Variants in SORCS3 observed in about 807,000 individuals in gnomAD.
SORCS3 encodes the protein VPS10 domain-containing receptor SorCS3.
A neutral mutation model predicts 146.3 loss-of-function variants in SORCS3; 57 were observed. The ratio of observed to expected loss-of-function variants is 0.39; its 90% CI spans 0.31 to 0.49. SORCS3 has a LOEUF of 0.49. Among genes scored for constraint, SORCS3 ranks in the 20% least tolerant of loss-of-function variants. The probability of loss-of-function intolerance (pLI) is 0.92; values close to 1 mark genes in which losing one functional copy is unlikely to be tolerated. For missense variants in SORCS3, 1,341 were observed against 1,575.5 expected, an observed-to-expected ratio of 0.85 and a Z score of 2.52; for synonymous variants, 653 against 618.5, an observed-to-expected ratio of 1.06 and a Z score of -0.83.
At chr10:105,006,597 T>C (rs2055097312) in intron 4 of SORCS3, among the ~76,000 whole-genome samples, 1 of 152,202 alleles carries the variant, frequency 6.6e-6, no homozygotes, top group Non-Finnish European at 1.5e-5. Flanking sequence ...GCTCATAAGA[T>C]TATACATAAT....
intron 1 of SORCS3, among the ~76,000 whole-genome samples, chr10:104,672,465 C>T (rs183218509): frequency 1.1e-4 from 17 of 151,916 alleles, no homozygotes; most frequent in Admixed American, 1.3e-4. Flanking sequence ...GTTCTCTGAT[C>T]GCTGTTCTGA....
chr10:105,149,387 C>G (rs565053435), intron 9 of SORCS3, among the ~76,000 whole-genome samples: 3 of 152,244 alleles, frequency 2.0e-5, no homozygotes, highest in South Asian at 4.1e-4. Context: ...AAATAATTCC[C>G]TTAAACAACA....
Position 104,641,582 on chromosome 10 carries a change from C to T in SORCS3, c.255C>T (p.Ala85=). The T allele has an allele frequency of 6.7e-7, 1 of 1,484,684 alleles. No individual in the cohort carries two copies. Among genetic ancestry groups the T allele is most frequent in the Non-Finnish European group, 8.9e-7 (1 of 1,127,096 alleles). 92.0% of individuals were successfully genotyped at this position (1,484,684 alleles called of 1,614,324 possible). A position where few individuals can be genotyped will look rare whatever the true frequency, so the allele number is the denominator to read the frequency against. The change falls in exon 1 of 27, where the codon GCC becomes GCT. Residue 85 remains alanine, a synonymous_variant. Transcript: ENST00000369701. This position sits in a 1 kb window ranked among gnomAD's most constrained non-coding sequence, Gnocchi z 6.4. ...ARRAAVLGRR[A]GPELLPQQGG... Reference sequence around the variant, plus strand: ...GAGCCGCCGTGCTGGGGCGCCGGGCCGGACCAGAGCTGCTGCCCCAGCAGG... The same window carrying T: ...GAGCCGCCGTGCTGGGGCGCCGGGCTGGACCAGAGCTGCTGCCCCAGCAGG...
chr10:105,208,809 A>G (rs916305774), intron 16 of SORCS3, among the ~76,000 whole-genome samples: 1 of 152,174 alleles, frequency 6.6e-6, no homozygotes, highest in Non-Finnish European at 1.5e-5. Context: ...GTGAGCTCTC[A>G]TGGGCTACTA....
intron 1 of SORCS3, among the ~76,000 whole-genome samples, chr10:104,800,170 T>C (rs2017608304): frequency 6.6e-6 from 1 of 151,938 alleles, no homozygotes; most frequent in Non-Finnish European, 1.5e-5. Flanking sequence ...GCCATGAAAA[T>C]ATATGTAGAA....
rs55880149 is a variant in SORCS3, at chr10:104,952,255, G to GAAAAA, written c.796-25052_796-25048dup. 1.1e-3 allele frequency among the ~76,000 whole-genome samples: 44 copies of GAAAAA among 40,622 alleles called. 8 individuals are homozygous for GAAAAA. The highest frequency in any genetic ancestry group is 2.9e-3 in the Admixed American group (6 of 2,074). The allele number at this position is 40,622 out of a possible 152,430, so 26.6% of individuals were successfully genotyped here. A position where few individuals can be genotyped will look rare whatever the true frequency, so the allele number is the denominator to read the frequency against. On this transcript the variant is annotated intron_variant, in intron 3 of 26. Coordinates refer to ENST00000369701, the MANE Select transcript of SORCS3 (RefSeq NM_014978.3). ...GTGATTCTGGTGCACATGAATGTTTGAAAAAAAAAAAAAAAAAAAAAAAAA... is the reference window on the plus strand; with the variant it reads ...GTGATTCTGGTGCACATGAATGTTTGAAAAAAAAAAAAAAAAAAAAAAAAAAAAAA...
chr10:104,985,876 T>C (rs775857516), intron 4 of SORCS3, among the ~76,000 whole-genome samples: 9 of 152,190 alleles, frequency 5.9e-5, no homozygotes, highest in Non-Finnish European at 1.0e-4. Context: ...CTTAAACAGA[T>C]GTGCTGTCAT....
intron 2 of SORCS3, among the ~76,000 whole-genome samples, chr10:104,865,180 C>T (rs1009332219): frequency 1.3e-5 from 2 of 152,154 alleles, no homozygotes; most frequent in Non-Finnish European, 2.9e-5. Flanking sequence ...TCTCACACAG[C>T]ATGGTTCCTC....
chr10:105,183,111 C>G (rs1341499578), intron 14 of SORCS3, among the ~76,000 whole-genome samples: 1 of 152,160 alleles, frequency 6.6e-6, no homozygotes, highest in Non-Finnish European at 1.5e-5. Flanking sequence ...CAAGGACATT[C>G]CTGGTGGGTG....
intron 1 of SORCS3, among the ~76,000 whole-genome samples, chr10:104,756,843 G>T (rs567439618): frequency 3.9e-5 from 6 of 152,318 alleles, no homozygotes; most frequent in Admixed American, 1.3e-4. Context: ...CTCTGTGCTA[G>T]TGTATGGGGA....
At chr10:105,171,822 T>C (rs2056362186) in intron 13 of SORCS3, among the ~76,000 whole-genome samples, 1 of 152,186 alleles carries the variant, frequency 6.6e-6, no homozygotes, top group African/African-American at 2.4e-5. Context: ...GCAGATTCTA[T>C]TCCTTTTAGT....
intron 9 of SORCS3, among the ~76,000 whole-genome samples, chr10:105,155,308 C>T (rs925265209): frequency 1.3e-5 from 2 of 152,172 alleles, no homozygotes; most frequent in African/African-American, 4.8e-5. Flanking sequence ...CAGAGGGGGC[C>T]ACAGCCGCTC....
At chr10:105,228,483 T>G (rs2119683992) in intron 20 of SORCS3, among the ~76,000 whole-genome samples, 1 of 152,198 alleles carries the variant, frequency 6.6e-6, no homozygotes, top group Non-Finnish European at 1.5e-5. Context: ...TCTTGATTTC[T>G]TTCTTTATTT....
At chr10:104,773,946 A>T (rs1250014726) in intron 1 of SORCS3, among the ~76,000 whole-genome samples, 3 of 152,196 alleles carry the variant, frequency 2.0e-5, no homozygotes, top group African/African-American at 4.8e-5. Context: ...CTCCCACCCT[A>T]TTCCTATCTA....
chr10:105,080,946 T>C (rs888243731), intron 5 of SORCS3, among the ~76,000 whole-genome samples: 7 of 152,290 alleles, frequency 4.6e-5, no homozygotes, highest in Middle Eastern at 3.4e-3. Context: ...TATTGTATAT[T>C]TCAAAATTAT....
intron 25 of SORCS3, among the ~76,000 whole-genome samples, chr10:105,257,929 A>T (rs1358556737): frequency 6.6e-6 from 1 of 152,140 alleles, no homozygotes; most frequent in Non-Finnish European, 1.5e-5. Flanking sequence ...GGGTAAAGTA[A>T]AAATGTCATT....
chr10:104,717,544 T>C (rs1188091460), intron 1 of SORCS3, among the ~76,000 whole-genome samples: 2 of 152,162 alleles, frequency 1.3e-5, no homozygotes, highest in African/African-American at 4.8e-5. Context: ...CCTTCTCTTT[T>C]TCCCTTTCAG....
chr10:104,674,854 C>T (rs1365702736), intron 1 of SORCS3, among the ~76,000 whole-genome samples: 1 of 152,008 alleles, frequency 6.6e-6, no homozygotes, highest in African/African-American at 2.4e-5. Context: ...TTTATTTCTC[C>T]ATAGTATAGG....
intron 20 of SORCS3, among the ~76,000 whole-genome samples, chr10:105,229,762 C>T (rs946038375): frequency 2.0e-5 from 3 of 152,046 alleles, no homozygotes; most frequent in Non-Finnish European, 4.4e-5. Flanking sequence ...GCTGATTATG[C>T]CTATTTAGGG....
Sources: gnomAD v4.1 joint callset for allele counts (sites outside exome capture counted in the v4.1 genomes callset) on GRCh38, gnomAD v4.1.1 for gene constraint, Gnocchi (gnomAD v3.1) non-coding constraint, MANE v1.5 for transcripts, NCBI Gene and HGNC (gene_info 2026-07-23, HGNC 2026-07-21) for gene names.